SLC9A9: variants seen among roughly 807,000 people sequenced by gnomAD.
The protein encoded by SLC9A9 is solute carrier family 9 member A9, also known as sodium/hydrogen exchanger 9.
A neutral mutation model predicts 77.8 loss-of-function variants in SLC9A9; 62 were observed. That is an observed-to-expected ratio of 0.80 (90% confidence interval 0.65 to 0.98). The LOEUF (loss-of-function observed/expected upper bound fraction) is 0.98, where lower values mean the gene tolerates loss of function less well. Ranked by LOEUF, SLC9A9 falls within the 50% of genes least tolerant of loss-of-function variation. The pLI, the probability that SLC9A9 is intolerant of heterozygous loss-of-function variation, is 0.00. For synonymous variants in SLC9A9, 320 were observed against 283.5 expected, an observed-to-expected ratio of 1.13 and a Z score of -1.29; for missense variants, 775 against 774.9, an observed-to-expected ratio of 1.00 and a Z score of 0.00.
At chr3:143,811,723 A>C (rs1413879133) in intron 2 of SLC9A9, 1 of 454,984 alleles carries the variant, frequency 2.2e-6, no homozygotes, top group Non-Finnish European at 4.4e-6. Context: ...TTAGCCACGC[A>C]CAGTGGCACA....
At chr3:143,702,143 A>T (rs1277628190) in intron 4 of SLC9A9, among the ~76,000 whole-genome samples, 1 of 152,210 alleles carries the variant, frequency 6.6e-6, no homozygotes, top group Non-Finnish European at 1.5e-5. Flanking sequence ...TCAACACCAG[A>T]CCTGTTCTAC....
At chr3:143,279,547 A>G (rs1292546943) in intron 14 of SLC9A9, among the ~76,000 whole-genome samples, 1 of 152,114 alleles carries the variant, frequency 6.6e-6, no homozygotes, top group Non-Finnish European at 1.5e-5. Context: ...ATTTCTCCTA[A>G]TGCTATCCCT....
intron 12 of SLC9A9, among the ~76,000 whole-genome samples, chr3:143,395,676 A>T: frequency 6.6e-6 from 1 of 152,240 alleles, no homozygotes; most frequent in Non-Finnish European, 1.5e-5. Flanking sequence ...ACAGAATGGG[A>T]GAAAATTTTT....
At chr3:143,552,607 CTTTAAACAGGG>C (rs2036912934) in intron 8 of SLC9A9, among the ~76,000 whole-genome samples, 157 bp from the exon 9 acceptor site, 1 of 152,152 alleles carries the variant, frequency 6.6e-6, no homozygotes, top group Admixed American at 6.6e-5. Context: ...CTTGCACTTG[CTTTAAACAGGG>C]TTTAAACAGG....
chr3:143,594,333 A>G (rs2037714478), intron 6 of SLC9A9, among the ~76,000 whole-genome samples: 1 of 152,206 alleles, frequency 6.6e-6, no homozygotes, highest in African/African-American at 2.4e-5. Context: ...TGCTTTCTAC[A>G]TTGCAATGTT....
chr3:143,821,342 T>A (rs930971389), intron 2 of SLC9A9, among the ~76,000 whole-genome samples: 1 of 152,216 alleles, frequency 6.6e-6, no homozygotes, highest in Non-Finnish European at 1.5e-5. Context: ...TTCTCTTTAG[T>A]TCTGAAAGTA....
intron 12 of SLC9A9, among the ~76,000 whole-genome samples, chr3:143,417,643 T>C (rs912187251): frequency 1.3e-5 from 2 of 151,680 alleles, no homozygotes; most frequent in African/African-American, 4.8e-5. Flanking sequence ...GTGAGGACAG[T>C]GAGAAGGTGG....
intron 14 of SLC9A9, among the ~76,000 whole-genome samples, chr3:143,336,906 T>TA (rs2031941302): frequency 6.6e-6 from 1 of 152,142 alleles, no homozygotes; most frequent in South Asian, 2.1e-4. Flanking sequence ...CATTAATATT[T>TA]AAAAAAATTT....
intron 5 of SLC9A9, among the ~76,000 whole-genome samples, chr3:143,665,404 C>G (rs1054026696): frequency 6.6e-6 from 1 of 151,920 alleles, no homozygotes; most frequent in Non-Finnish European, 1.5e-5. Context: ...AAATTGACAC[C>G]CTAACATCAC....
At chr3:143,376,883 C>T (rs983172321) in intron 13 of SLC9A9, among the ~76,000 whole-genome samples, 1 of 152,200 alleles carries the variant, frequency 6.6e-6, no homozygotes, top group African/African-American at 2.4e-5. Flanking sequence ...ACCTGGGTCA[C>T]ATCAAATTTT....
intron 4 of SLC9A9, among the ~76,000 whole-genome samples, chr3:143,726,251 G>GAAAAAAAAAAAAAAAA (rs3055626): frequency 6.6e-5 from 9 of 136,890 alleles, no homozygotes; most frequent in African/African-American, 1.4e-4. Flanking sequence ...AATAAAAAAA[G>GAAAAAAAAAAAAAAAA]AAAAAAAAAA....
At position 143,266,768 on chromosome 3, in the gene SLC9A9, T is replaced by C; in HGVS notation, c.1872A>G (p.Gly624=). 2 of 1,614,208 alleles carry C rather than the reference T, an allele frequency of 1.2e-6. No homozygotes were observed. Among genetic ancestry groups the C allele is most frequent in the Non-Finnish European group, 1.7e-6 (2 of 1,180,034 alleles). ...GTTCATAGCCTCCCAGGCCGAGGTC[T>C]CCCTCATAAATGTTTTCCTTGCCTG... The part of the protein sequence containing the change: ...QTPGKENIYE[G]DLGLGGYELK... The change falls in exon 16 of 16, where the codon GGA becomes GGG. Residue 624 remains glycine (G), a synonymous_variant. Transcript: ENST00000316549.
chr3:143,830,592 A>T (rs964418331), intron 2 of SLC9A9, among the ~76,000 whole-genome samples: 20 of 152,334 alleles, frequency 1.3e-4, no homozygotes, highest in African/African-American at 4.3e-4. Flanking sequence ...TGGTGGGAGG[A>T]GAGGTGTCAA....
At chr3:143,521,037 T>C (rs905765054) in intron 9 of SLC9A9, among the ~76,000 whole-genome samples, 2 of 152,194 alleles carry the variant, frequency 1.3e-5, no homozygotes, top group Non-Finnish European at 2.9e-5. Context: ...AGAATTTATA[T>C]CATTTTAAAT....
chr3:143,355,227 T>C (rs2032555150), intron 14 of SLC9A9, among the ~76,000 whole-genome samples: 1 of 152,206 alleles, frequency 6.6e-6, no homozygotes. Flanking sequence ...ATACAGCTGT[T>C]GCAACTAAAA....
At chr3:143,298,158 T>C (rs2030360387) in intron 14 of SLC9A9, among the ~76,000 whole-genome samples, 1 of 152,220 alleles carries the variant, frequency 6.6e-6, no homozygotes, top group Non-Finnish European at 1.5e-5. Context: ...TTGGAACTAG[T>C]GGAAGGGCTT....
chr3:143,682,048 A>G (rs1159464352), intron 5 of SLC9A9, among the ~76,000 whole-genome samples: 1 of 152,168 alleles, frequency 6.6e-6, no homozygotes, highest in African/African-American at 2.4e-5. Flanking sequence ...ACTGGTATCT[A>G]GAGGCTCATG....
intron 8 of SLC9A9, among the ~76,000 whole-genome samples, chr3:143,573,816 A>C (rs2037310699): frequency 6.6e-6 from 1 of 152,062 alleles, no homozygotes; most frequent in African/African-American, 2.4e-5. Context: ...TCACACTATA[A>C]ATCAGTCTCT....
intron 12 of SLC9A9, among the ~76,000 whole-genome samples, chr3:143,383,958 C>T (rs1056959520): frequency 3.3e-5 from 5 of 152,206 alleles, no homozygotes; most frequent in African/African-American, 1.2e-4. Flanking sequence ...AGGTAAGTGT[C>T]TTCTGGACAT....
Sources: allele counts gnomAD v4.1 joint callset (sites outside exome capture counted in the v4.1 genomes callset), GRCh38; gene constraint gnomAD v4.1.1; transcripts MANE v1.5; gene names NCBI Gene and HGNC (gene_info 2026-07-23, HGNC 2026-07-21).